The following RBFOX1 variants were observed in gnomAD, a reference collection of about 807,000 sequenced individuals.
RBFOX1 encodes RNA binding fox-1 homolog 1.
Under a neutral mutation model 57.7 loss-of-function variants are expected in RBFOX1, and 8 were observed. That is an observed-to-expected ratio of 0.14 (90% confidence interval 0.08 to 0.25). The LOEUF (loss-of-function observed/expected upper bound fraction) is 0.25, where lower values mean the gene tolerates loss of function less well. Among genes scored for constraint, RBFOX1 ranks in the 10% least tolerant of loss-of-function variants. RBFOX1 has a pLI of 1.00. For missense variants in RBFOX1, 611 were observed against 548.5 expected (o/e 1.11, Z -1.14); for synonymous variants, 326 against 222.4 (o/e 1.47, Z -4.15).
rs144755992 is a variant in RBFOX1 at position 6,475,008 on chromosome 16, G to T, written c.-64+157951G>T. Among the ~76,000 whole-genome samples the T allele has an allele frequency of 1.2e-4, 18 of 152,246 alleles. No homozygotes were observed. In the South Asian group the frequency reaches 2.1e-3, roughly 18 times the overall value. ...CAGCACAAAGTGTTCATGATACATT[G>T]CAAAGTGCAAAAGATGAAGGCAGCT... On this transcript the variant is annotated intron_variant, in intron 2 of 15. Coordinates refer to ENST00000550418, the MANE Select transcript of RBFOX1 (RefSeq NM_018723.4).
intron 4 of RBFOX1, among the ~76,000 whole-genome samples, chr16:7,188,048 A>C (rs76261086): frequency 6.2e-4 from 94 of 152,270 alleles, no homozygotes; most frequent in Admixed American, 3.4e-3. Flanking sequence ...TTTTTATTTC[A>C]TTTTAACTTT....
intron 3 of RBFOX1, among the ~76,000 whole-genome samples, chr16:6,835,419 C>G (rs2093021515): frequency 1.3e-5 from 2 of 152,122 alleles, no homozygotes; most frequent in Admixed American, 6.5e-5. Context: ...TTCAGAATCA[C>G]ATTAACTTCC....
chr16:7,603,494 AT>A (rs2095144328), intron 9 of RBFOX1, among the ~76,000 whole-genome samples: 1 of 152,196 alleles, frequency 6.6e-6, no homozygotes, highest in South Asian at 2.1e-4. Context: ...AAAACTGGGA[AT>A]GGAATCATGG....
chr16:5,861,117 G>C (rs924522068), intron 3 of RBFOX1, among the ~76,000 whole-genome samples: 3 of 152,196 alleles, frequency 2.0e-5, no homozygotes. Context: ...CTATCACCAG[G>C]AGAGTTTGGG....
rs548045964 is a variant in RBFOX1 at position 6,832,436 on chromosome 16, C to T, written c.-16+177786C>T. 2.8e-4 allele frequency among the ~76,000 whole-genome samples: 42 copies of T among 152,198 alleles called. 1 individual carries two copies. The South Asian group carries it at 7.9e-3, about 29-fold the overall frequency. On this transcript the variant is annotated intron_variant, in intron 3 of 15. Transcript: ENST00000550418. ...GAGGGGTCTGCATTACTCATATTTG[C>T]GATGAAAATGGTGCCAAAACCCAGC...
At chr16:7,408,538 C>A (rs1329013086) in intron 4 of RBFOX1, among the ~76,000 whole-genome samples, 1 of 152,150 alleles carries the variant, frequency 6.6e-6, no homozygotes, top group Non-Finnish European at 1.5e-5. Flanking sequence ...TCTAGACTGC[C>A]CATCGATTGT....
At chr16:5,776,880 C>T (rs547821944) in intron 3 of RBFOX1, among the ~76,000 whole-genome samples, 2 of 152,296 alleles carry the variant, frequency 1.3e-5, no homozygotes, top group South Asian at 4.1e-4. Flanking sequence ...ACACGGTGGC[C>T]ATTTGCCATG....
intron 2 of RBFOX1, among the ~76,000 whole-genome samples, chr16:6,342,825 T>C (rs801995): frequency 6.6e-6 from 1 of 152,156 alleles, no homozygotes; most frequent in African/African-American, 2.4e-5. Context: ...GCTAATCACC[T>C]TGACATTTTG....
At position 6,695,548 on chromosome 16, in the gene RBFOX1, G is replaced by A. The variant is rs181686477; in HGVS notation, c.-16+40898G>A. 1.6e-4 allele frequency among the ~76,000 whole-genome samples: 25 copies of A among 151,978 alleles called. No individual in the cohort carries two copies. The South Asian group carries it at 2.1e-3, about 13-fold the overall frequency. ...TTCTTGGAGCCCTTAAGTGGCCGACGCGCCTATTATGAATGTTTCAAGTAT... is the reference window on the plus strand; with the variant it reads ...TTCTTGGAGCCCTTAAGTGGCCGACACGCCTATTATGAATGTTTCAAGTAT... On this transcript the variant is annotated intron_variant, in intron 3 of 15. Transcript: ENST00000550418.
At chr16:6,747,064 C>T (rs894795608) in intron 3 of RBFOX1, among the ~76,000 whole-genome samples, 8 of 152,108 alleles carry the variant, frequency 5.3e-5, no homozygotes, top group Non-Finnish European at 1.0e-4. Context: ...CAGAACCCCT[C>T]ACGGTACCAT....
chr16:6,235,365 C>T (rs2097497835), intron 1 of RBFOX1, among the ~76,000 whole-genome samples: 2 of 152,100 alleles, frequency 1.3e-5, no homozygotes, highest in Non-Finnish European at 2.9e-5. Context: ...CCCTTTCCAC[C>T]AGCCCCAGCT....
chr16:6,897,823 A>G (rs2067329619), intron 3 of RBFOX1, among the ~76,000 whole-genome samples: 1 of 152,124 alleles, frequency 6.6e-6, no homozygotes, highest in Non-Finnish European at 1.5e-5. Flanking sequence ...AGTCCTTAAC[A>G]TGGATTACAG....
chr16:5,325,666 A>G (rs1345161144), intron 1 of RBFOX1, among the ~76,000 whole-genome samples: 3 of 152,146 alleles, frequency 2.0e-5, no homozygotes, highest in East Asian at 1.9e-4. Flanking sequence ...AGAATGTCCT[A>G]TAAATGAAAC....
At chr16:7,264,565 A>C (rs757742991) in intron 4 of RBFOX1, among the ~76,000 whole-genome samples, 1 of 152,240 alleles carries the variant, frequency 6.6e-6, no homozygotes, top group Admixed American at 6.5e-5. Flanking sequence ...TGTGGCAGAA[A>C]GTGGCCACAG....
At chr16:5,633,113 A>G (rs2048570898) in intron 3 of RBFOX1, among the ~76,000 whole-genome samples, 1 of 151,832 alleles carries the variant, frequency 6.6e-6, no homozygotes. Flanking sequence ...TAATTTTTGT[A>G]TTTTTAATAG....
chr16:7,041,611 C>T lies in RBFOX1; in HGVS notation c.-15-10446C>T, dbSNP rs144648726. Among the ~76,000 whole-genome samples, 128 of 152,072 alleles carry T rather than the reference C, an allele frequency of 8.4e-4. 1 individual carries two copies. The Middle Eastern group carries it at 0.01, about 12-fold the overall frequency. On this transcript the variant is annotated intron_variant, in intron 3 of 15. Transcript: ENST00000550418. Reference sequence around the variant, plus strand: ...TACATAGTGATAACTGCCAGCTGCCCCCTCGAAACAGTCAGTACCAATTTA... The same window carrying T: ...TACATAGTGATAACTGCCAGCTGCCTCCTCGAAACAGTCAGTACCAATTTA...
At chr16:7,195,816 G>A (rs928168091) in intron 4 of RBFOX1, among the ~76,000 whole-genome samples, 1 of 152,116 alleles carries the variant, frequency 6.6e-6, no homozygotes, top group African/African-American at 2.4e-5. Flanking sequence ...GCCTCCCAAA[G>A]TGCTGGGGTT....
chr16:6,580,440 C>A (rs1412407075), intron 2 of RBFOX1, among the ~76,000 whole-genome samples: 1 of 152,166 alleles, frequency 6.6e-6, no homozygotes, highest in Non-Finnish European at 1.5e-5. Context: ...GATCATTAAG[C>A]TACACTGATA....
intron 4 of RBFOX1, among the ~76,000 whole-genome samples, chr16:6,003,184 C>G (rs891470084): frequency 6.7e-6 from 1 of 150,204 alleles, no homozygotes; most frequent in African/African-American, 2.5e-5. Flanking sequence ...GAAGCTGACG[C>G]AGGAGAATGG....
Sources: gnomAD v4.1 joint callset for allele counts (sites outside exome capture counted in the v4.1 genomes callset) on GRCh38, gnomAD v4.1.1 for gene constraint, MANE v1.5 for transcripts, NCBI Gene and HGNC (gene_info 2026-07-23, HGNC 2026-07-21) for gene names.